Variants in PATL2 observed in about 807,000 individuals in gnomAD.
PATL2 encodes PAT1 homolog 2.
A neutral mutation model predicts 77.0 loss-of-function variants in PATL2; 73 were observed. That is an observed-to-expected ratio of 0.95 (90% CI 0.78 to 1.15). PATL2 has a LOEUF of 1.15. Among genes scored for constraint, PATL2 ranks in the 50% most tolerant of loss-of-function variants. The pLI is 0.00. For synonymous variants in PATL2, 265 were observed against 257.1 expected (o/e 1.03, Z -0.29); for missense variants, 618 against 655.4 (o/e 0.94, Z 0.62).
intron 3 of PATL2, among the ~76,000 whole-genome samples, chr15:44,678,294 A>G (rs948399545): frequency 3.9e-5 from 6 of 152,198 alleles, no homozygotes; most frequent in African/African-American, 1.4e-4. Flanking sequence ...TAGAGACTAG[A>G]TCTTAAGGAG....
intron 3 of PATL2, among the ~76,000 whole-genome samples, chr15:44,699,769 A>G (rs1315005969): frequency 2.0e-5 from 3 of 152,168 alleles, no homozygotes; most frequent in Non-Finnish European, 2.9e-5. Context: ...CCTTTCTCCA[A>G]TGTAGGTTTT....
intron 16 of PATL2, 176 bp downstream of exon 16, chr15:44,666,930 A>G: frequency 3.3e-6 from 2 of 598,690 alleles, no homozygotes; most frequent in Non-Finnish European, 3.0e-6. Flanking sequence ...CTCCTAGAAG[A>G]AACCGAAACT....
intron 17 of PATL2, 147 bp from the exon 18 acceptor site, chr15:44,666,118 C>T (rs1781980093): frequency 1.1e-6 from 1 of 899,888 alleles, no homozygotes; most frequent in Non-Finnish European, 1.7e-6. Flanking sequence ...ATAGTTGTCC[C>T]TCAAGTATTT....
chr15:44,671,956 G>C (rs530822718), intron 9 of PATL2, 59 bp downstream of exon 9: 1 of 1,538,992 alleles, frequency 6.5e-7, no homozygotes, highest in Non-Finnish European at 8.8e-7. Flanking sequence ...GAGCGGGCCC[G>C]GGAGTCCAGG....
rs2086750696 is a variant in PATL2 at position 44,706,958 on chromosome 15, A to T, written c.-76+3138T>A. Among the ~76,000 whole-genome samples, 2 of 152,162 alleles carry T rather than the reference A, an allele frequency of 1.3e-5. 1 individual carries two copies. The highest frequency in any genetic ancestry group is 4.1e-4 in the South Asian group (2 of 4,830). On this transcript the variant is annotated intron_variant, in intron 3 of 17. Coordinates refer to ENST00000682850, the MANE Select transcript of PATL2 (RefSeq NM_001387263.1). ...TTGCACTGAGGCTGAACTGGCACCC[A>T]AGCCACAAGACAAAGTCCTTCCCAC...
chr15:44,675,270 T>G (rs2085895916), intron 5 of PATL2: 5 of 582,534 alleles, frequency 8.6e-6, no homozygotes, highest in African/African-American at 1.9e-5. Flanking sequence ...TGCTAGGACC[T>G]GGTTTTAAGG....
At chr15:44,669,485 C>T (rs771599957) in intron 12 of PATL2, 25 bp downstream of exon 12, 23 of 1,549,904 alleles carry the variant, frequency 1.5e-5, no homozygotes, top group East Asian at 7.3e-5. Flanking sequence ...GTTTGGAACT[C>T]GTCCCTAAGG....
chr15:44,676,400 C>T, intron 4 of PATL2, 75 bp downstream of exon 4: 1 of 1,286,124 alleles, frequency 7.8e-7, no homozygotes, highest in East Asian at 2.5e-5. Flanking sequence ...GACATCCAAT[C>T]CCATATGTGA....
At chr15:44,683,399 T>TG (rs955979111) in intron 3 of PATL2, among the ~76,000 whole-genome samples, 1 of 151,976 alleles carries the variant, frequency 6.6e-6, no homozygotes, top group Non-Finnish European at 1.5e-5. Flanking sequence ...TTGAGCTTGG[T>TG]GGGGGGAGGG....
At chr15:44,679,344 C>T (rs1456467234) in intron 3 of PATL2, among the ~76,000 whole-genome samples, 1 of 151,996 alleles carries the variant, frequency 6.6e-6, no homozygotes, top group Non-Finnish European at 1.5e-5. Flanking sequence ...AATTGTCCTG[C>T]CTCAGCCTCC....
intron 5 of PATL2, chr15:44,674,971 A>G (rs2085881309): frequency 1.3e-5 from 2 of 153,562 alleles, no homozygotes; most frequent in Admixed American, 6.5e-5. Context: ...TCTCTCTTAA[A>G]ATACCTTATT....
Position 44,672,063 on chromosome 15 carries a change from C to G in PATL2, c.609G>C (p.Met203Ile), listed in dbSNP as rs1366325714. ...GGGGTTTTGCACTCTGCAGCTGCAC[C>G]ATCTGCACTTTTATCACCCAGTCCT... ...KEKDWVIKVQ[M>I]VQLQSAKPRL... Residue 203 changes from methionine (M) to isoleucine (I), a missense_variant, in exon 9 of 18, where the codon ATG (methionine) becomes ATC (isoleucine). Transcript: ENST00000682850. 6.4e-7 allele frequency: 1 copy of G among 1,551,706 alleles called. No individual in the cohort carries two copies. Among genetic ancestry groups the G allele is most frequent in the Non-Finnish European group, 8.7e-7 (1 of 1,146,982 alleles).
At chr15:44,684,561 T>C (rs946994409) in intron 3 of PATL2, among the ~76,000 whole-genome samples, 2 of 151,518 alleles carry the variant, frequency 1.3e-5, no homozygotes, top group Non-Finnish European at 2.9e-5. Flanking sequence ...AAATGAAAAG[T>C]AATGAACAAA....
intron 14 of PATL2, 44 bp downstream of exon 14, chr15:44,668,936 C>A: frequency 6.7e-7 from 1 of 1,486,150 alleles, no homozygotes; most frequent in Non-Finnish European, 9.0e-7. Flanking sequence ...TGACCCCTAA[C>A]CTATTCAGGA....
intron 3 of PATL2, among the ~76,000 whole-genome samples, chr15:44,707,518 TGTCAGCTTGGAGCTATG>T: frequency 6.6e-6 from 1 of 152,254 alleles, no homozygotes; most frequent in Middle Eastern, 3.4e-3. Context: ...TGGCTAGAAA[TGTCAGCTTGGAGCTATG>T]GCCTGGAATG....
Position 44,672,035 on chromosome 15 carries a change from G to A in PATL2, c.637C>T (p.Leu213=). The change falls in exon 9 of 18, where the codon CTG becomes TTG. Residue 213 remains leucine (L), a synonymous_variant. Coordinates refer to ENST00000682850, the MANE Select transcript of PATL2 (RefSeq NM_001387263.1). The part of the protein sequence containing the change: ...MVQLQSAKPR[L]DDYYYQEYYQ... ...CTCACCTGGTAATAGTAGTCATCCA[G>A]GCGGGGTTTTGCACTCTGCAGCTGC... 4 of 1,551,720 alleles carry A rather than the reference G, an allele frequency of 2.6e-6. No individual in the cohort carries two copies. Among genetic ancestry groups the A allele is most frequent in the Non-Finnish European group, 3.5e-6 (4 of 1,147,000 alleles).
intron 3 of PATL2, among the ~76,000 whole-genome samples, chr15:44,706,271 C>G (rs77246835): frequency 6.6e-6 from 1 of 152,114 alleles, no homozygotes. Context: ...GCAGTCTGGG[C>G]TGTTTGTATC....
At chr15:44,679,991 G>T (rs1447776333) in intron 3 of PATL2, among the ~76,000 whole-genome samples, 1 of 152,184 alleles carries the variant, frequency 6.6e-6, no homozygotes, top group Admixed American at 6.5e-5. Flanking sequence ...CATCTGTGCT[G>T]TATGAGTTCC....
intron 3 of PATL2, chr15:44,697,565 T>C (rs1235625157): frequency 6.6e-6 from 1 of 152,210 alleles, no homozygotes; most frequent in Non-Finnish European, 1.5e-5. Context: ...CCTGTGTATC[T>C]AGTTCCCCTC....
Sources: allele counts gnomAD v4.1 joint callset (sites outside exome capture counted in the v4.1 genomes callset), GRCh38; gene constraint gnomAD v4.1.1; transcripts MANE v1.5; gene names NCBI Gene and HGNC (gene_info 2026-07-23, HGNC 2026-07-21).